The following ATP8B3 variants were observed in gnomAD, a reference collection of about 807,000 sequenced individuals.
ATP8B3 encodes ATPase phospholipid transporting 8B3, also known as phospholipid-transporting ATPase IK.
In ATP8B3, 141 loss-of-function variants were observed where a neutral mutation model predicts 140.9. The ratio of observed to expected loss-of-function variants is 1.00; its 90% CI spans 0.87 to 1.15. The LOEUF is 1.15. Ranked by LOEUF, ATP8B3 falls within the 50% of genes most tolerant of loss-of-function variation. The pLI, the probability that ATP8B3 is intolerant of heterozygous loss-of-function variation, is 0.00. For missense variants in ATP8B3, 1,874 were observed against 1,740.6 expected, an observed-to-expected ratio of 1.08 and a Z score of -1.36; for synonymous variants, 765 against 714.6, an observed-to-expected ratio of 1.07 and a Z score of -1.13.
chr19:1,787,492 G>A (rs768535341), intron 24 of ATP8B3, among the ~76,000 whole-genome samples: 1 of 152,164 alleles, frequency 6.6e-6, no homozygotes, highest in African/African-American at 2.4e-5. Flanking sequence ...ACTTTGGAAG[G>A]CCGAGGCGGG....
At chr19:1,785,748 G>T in intron 25 of ATP8B3, 40 bp from the exon 26 acceptor site, 4 of 1,195,538 alleles carry the variant, frequency 3.3e-6, no homozygotes, top group East Asian at 3.5e-5. Context: ...GGTGGGGGGC[G>T]GGGGACACCC....
At chr19:1,811,409 C>T (rs75759084) in intron 2 of ATP8B3, 80 bp downstream of exon 2, 43,911 of 1,505,970 alleles carry the variant, frequency 0.029, 1,265 homozygotes, top group African/African-American at 0.12. Context: ...ACTGGCCCCC[C>T]ACCTGCCAGC....
In ATP8B3 at chr19:1,806,102, CGAT is replaced by C; in HGVS notation, c.742_744del (p.Ile248del). ...CGGGGTCAACCCCAGCTCACTGGGA[CGAT>C]GTTGTCCTTGCGGAGACAGACCACA... On this transcript the variant is annotated inframe_deletion, in exon 8 of 29. Transcript: ENST00000310127. The surrounding 1 kb of genome is among the most constrained non-coding windows in gnomAD (Gnocchi z 5.6). 6.2e-7 allele frequency: 1 copy of C among 1,602,210 alleles called. No individual in the cohort carries two copies. Among genetic ancestry groups the C allele is most frequent in the Non-Finnish European group, 8.5e-7 (1 of 1,174,956 alleles).
In ATP8B3 at chr19:1,807,173, C is replaced by G; in HGVS notation, c.610G>C (p.Asp204His). Residue 204 changes from aspartate (D) to histidine (H), a missense_variant, in exon 6 of 29, where the codon GAC (aspartate) becomes CAC (histidine). By Grantham distance (81) the Asp-to-His change is moderately conservative (BLOSUM62 -1). Transcript: ENST00000310127. The surrounding 1 kb of genome is among the most constrained non-coding windows in gnomAD (Gnocchi z 5.9). ...FIRATRDLVDDMGRHKSDRAI... is the reference protein window; with the variant it reads ...FIRATRDLVDHMGRHKSDRAI... Reference sequence around the variant, plus strand: ...CTGCATCCAACAGCACTCACCATGTCGTCCACCAGGTCCCGGGTGGCACGG... The same window carrying G: ...CTGCATCCAACAGCACTCACCATGTGGTCCACCAGGTCCCGGGTGGCACGG... 1 of 1,612,000 alleles carries G rather than the reference C, an allele frequency of 6.2e-7. No individual in the cohort carries two copies. Among genetic ancestry groups the G allele is most frequent in the Non-Finnish European group, 8.5e-7 (1 of 1,179,060 alleles).
chr19:1,808,698 G>A (rs2069101481), intron 4 of ATP8B3, among the ~76,000 whole-genome samples: 1 of 152,218 alleles, frequency 6.6e-6, no homozygotes, highest in Admixed American at 6.5e-5. Context: ...GCTGTGACCA[G>A]CATTTCCCAA....
rs1224541505 is a variant in ATP8B3 at position 1,800,388 on chromosome 19, TTGAC to T, written c.1210_1213del (p.Val404LysfsTer101). On this transcript the variant is annotated frameshift_variant, in exon 13 of 29. Transcript: ENST00000310127. LOFTEE classifies it high-confidence loss of function. The surrounding 1 kb of genome is among the most constrained non-coding windows in gnomAD (Gnocchi z 4.4). The stretch of plus-strand genomic sequence containing the variant: ...GTAGTAGTGGTGGTCTTTGAATTCT[TTGAC>T]TGAGAAACCGAAGCCGAAGGCCAAC... 13 of 1,612,300 alleles carry T rather than the reference TTGAC, an allele frequency of 8.1e-6. No homozygotes were observed. Among genetic ancestry groups the T allele is most frequent in the Non-Finnish European group, 1.1e-5 (13 of 1,179,798 alleles).
intron 2 of ATP8B3, 88 bp from the exon 3 acceptor site, chr19:1,810,771 G>T (rs2069166995): frequency 1.6e-6 from 2 of 1,270,556 alleles, no homozygotes; most frequent in South Asian, 1.4e-5. Flanking sequence ...CAGCCTAGGG[G>T]CCGACCCTCT....
At chr19:1,791,599 G>C (rs1248385246) in intron 20 of ATP8B3, 151 bp downstream of exon 20, 1 of 622,522 alleles carries the variant, frequency 1.6e-6, no homozygotes, top group Non-Finnish European at 2.8e-6. Flanking sequence ...GACCATGTTG[G>C]CCCTGCTGGT....
chr19:1,809,973 G>A (rs894853862), intron 3 of ATP8B3, among the ~76,000 whole-genome samples: 1 of 152,222 alleles, frequency 6.6e-6, no homozygotes, highest in African/African-American at 2.4e-5. Context: ...CCCCAGCCAG[G>A]GGCCTGTCCT....
chr19:1,796,090 C>G lies in ATP8B3; in HGVS notation c.1929G>C (p.Arg643=), dbSNP rs779772065. The G allele has an allele frequency of 6.2e-7, 1 of 1,612,884 alleles. No individual in the cohort carries two copies. The highest frequency in any genetic ancestry group is 1.7e-5 in the Admixed American group (1 of 60,008). Residue 643 remains arginine, a synonymous_variant, in exon 17 of 29, where the codon CGG becomes CGC. Transcript: ENST00000310127. ...AIMDFNSTRK[R]MSVLVRKPEG... ...GGCGGGGCTCACCCAGCACCGACAT[C>G]CGTTTGCGCGTGCTGTTGAAGTCCA...
chr19:1,803,883 C>T (rs1265491332), intron 10 of ATP8B3, among the ~76,000 whole-genome samples: 2 of 127,314 alleles, frequency 1.6e-5, no homozygotes, highest in Non-Finnish European at 3.1e-5. Flanking sequence ...GCAACAAGAG[C>T]GAGACTCTGT....
intron 20 of ATP8B3, 53 bp from the exon 21 acceptor site, chr19:1,790,885 TG>T: frequency 7.3e-7 from 1 of 1,371,324 alleles, no homozygotes; most frequent in Non-Finnish European, 9.7e-7. Context: ...ACTGGCTGCC[TG>T]GGGGCCACGC....
chr19:1,785,902 G>A lies in ATP8B3; in HGVS notation c.3154-194C>T, dbSNP rs146480934. On this transcript the variant is annotated intron_variant, in intron 25 of 28. Coordinates refer to ENST00000310127, the MANE Select transcript of ATP8B3 (RefSeq NM_138813.4). ...TCTCAGCACTTTAGGAGGTCAAGGT[G>A]GGAGGATCGCTTAAGGCCAGGAGTT... 1.1e-4 allele frequency among the ~76,000 whole-genome samples: 17 copies of A among 152,208 alleles called. No individual in the cohort carries two copies. The East Asian group carries it at 3.1e-3, about 28-fold the overall frequency.
chr19:1,797,203 G>A (rs909098705), intron 14 of ATP8B3, among the ~76,000 whole-genome samples, 198 bp from the exon 15 acceptor site: 16 of 152,186 alleles, frequency 1.1e-4, no homozygotes, highest in Non-Finnish European at 1.8e-4. Context: ...AGAAAGCGGG[G>A]AAGAGGGGAG....
At chr19:1,797,688 T>C (rs2068724952) in intron 14 of ATP8B3, among the ~76,000 whole-genome samples, 1 of 151,510 alleles carries the variant, frequency 6.6e-6, no homozygotes, top group South Asian at 2.1e-4. Context: ...TTAGTAGAGA[T>C]GGGGTTTCAC....
rs1278860595 is a variant in ATP8B3, at chr19:1,807,612, G to C, written c.517-346C>G. On this transcript the variant is annotated intron_variant, in intron 5 of 28. Coordinates refer to ENST00000310127, the MANE Select transcript of ATP8B3 (RefSeq NM_138813.4). This position sits in a 1 kb window ranked among gnomAD's most constrained non-coding sequence, Gnocchi z 5.9. ...TGTCCCTGCTTCCCCAGGTCACCCT[G>C]CAGGTGTGAGCTCCACCATCCCCTA... is the stretch of plus-strand genomic sequence containing the variant. 1.3e-5 allele frequency among the ~76,000 whole-genome samples: 2 copies of C among 152,090 alleles called. No individual in the cohort carries two copies. The highest frequency in any genetic ancestry group is 2.9e-5 in the Non-Finnish European group (2 of 67,970).
At chr19:1,804,406 G>A (rs530065508) in intron 10 of ATP8B3, among the ~76,000 whole-genome samples, 22 of 152,252 alleles carry the variant, frequency 1.4e-4, no homozygotes, top group East Asian at 3.9e-4. Flanking sequence ...TCAGGAGATC[G>A]AGACCATCCT....
chr19:1,802,692 TC>T (rs1444241856), intron 10 of ATP8B3, 47 bp from the exon 11 acceptor site: 10 of 1,569,386 alleles, frequency 6.4e-6, no homozygotes, highest in Non-Finnish European at 7.8e-6. Flanking sequence ...CAGGCCCTCC[TC>T]CCCAGGTTCC....
At position 1,806,406 on chromosome 19, in the gene ATP8B3, A is replaced by T; in HGVS notation, c.677+222T>A. On this transcript the variant is annotated intron_variant, in intron 7 of 28. Transcript: ENST00000310127. The surrounding 1 kb of genome is among the most constrained non-coding windows in gnomAD (Gnocchi z 5.6). ...TCTTCAGACTTTCCTTGTCCTCCCC[A>T]TCGCCCGAGCCCTAAGCTCTGCAAG... 6.9e-7 allele frequency: 1 copy of T among 1,441,850 alleles called. No homozygotes were observed. The highest frequency in any genetic ancestry group is 9.1e-7 in the Non-Finnish European group (1 of 1,104,442). 89.3% of individuals were successfully genotyped at this position (1,441,850 alleles called of 1,614,324 possible). A position where few individuals can be genotyped will look rare whatever the true frequency, so the allele number is the denominator to read the frequency against.
Sources: gnomAD v4.1 joint callset for allele counts (sites outside exome capture counted in the v4.1 genomes callset) on GRCh38, gnomAD v4.1.1 for gene constraint, Gnocchi (gnomAD v3.1) non-coding constraint, MANE v1.5 for transcripts, NCBI Gene and HGNC (gene_info 2026-07-23, HGNC 2026-07-21) for gene names.